The following SAMD4A variants were observed in gnomAD, a reference collection of about 807,000 sequenced individuals.
The protein encoded by SAMD4A is protein Smaug homolog 1.
A neutral mutation model predicts 81.3 loss-of-function variants in SAMD4A; 33 were observed. That is an observed-to-expected ratio of 0.41 (90% CI 0.31 to 0.54). The LOEUF (loss-of-function observed/expected upper bound fraction) is 0.54. SAMD4A is among the 20% of genes least tolerant of loss of function. SAMD4A has a pLI of 0.37. For synonymous variants in SAMD4A, 389 were observed against 382.1 expected, an observed-to-expected ratio of 1.02 and a Z score of -0.21; for missense variants, 854 against 951.1, an observed-to-expected ratio of 0.90 and a Z score of 1.34.
At chr14:54,687,078 G>T (rs1283261323) in intron 2 of SAMD4A, among the ~76,000 whole-genome samples, 2 of 152,158 alleles carry the variant, frequency 1.3e-5, no homozygotes, top group Non-Finnish European at 2.9e-5. Context: ...ACTCCAAGGG[G>T]CTTGATCTCT....
intron 2 of SAMD4A, among the ~76,000 whole-genome samples, chr14:54,637,912 T>C (rs61975159): frequency 3.3e-5 from 5 of 152,158 alleles, no homozygotes; most frequent in African/African-American, 1.2e-4. Context: ...CATACACCAA[T>C]AAACAACGTG....
chr14:54,737,904 G>GC, intron 4 of SAMD4A, among the ~76,000 whole-genome samples: 1 of 152,014 alleles, frequency 6.6e-6, no homozygotes, highest in South Asian at 2.1e-4. Flanking sequence ...GGTGATAAAG[G>GC]CCTTTTGTGT....
intron 8 of SAMD4A, among the ~76,000 whole-genome samples, chr14:54,764,945 C>T (rs2038496752): frequency 6.6e-6 from 1 of 152,144 alleles, no homozygotes; most frequent in Admixed American, 6.5e-5. Flanking sequence ...GAAAGAGAGC[C>T]CATAAAGAAA....
chr14:54,756,188 A>C (rs1264537766), intron 6 of SAMD4A, among the ~76,000 whole-genome samples: 4 of 152,130 alleles, frequency 2.6e-5, no homozygotes, highest in African/African-American at 9.7e-5. Context: ...TTTCACCCCT[A>C]TCGGTGGATT....
chr14:54,663,439 A>C (rs59253635), intron 2 of SAMD4A, among the ~76,000 whole-genome samples: 2,675 of 152,332 alleles, frequency 0.018, 70 homozygotes, highest in African/African-American at 0.062. Context: ...TTTTAGTCAA[A>C]AGATCTTAAG....
intron 2 of SAMD4A, among the ~76,000 whole-genome samples, chr14:54,613,459 A>G (rs1362564940): frequency 6.6e-6 from 1 of 152,204 alleles, no homozygotes. Context: ...TAATAAAAAT[A>G]TCTTTACAAT....
At chr14:54,611,476 C>G (rs894481872) in intron 2 of SAMD4A, among the ~76,000 whole-genome samples, 2 of 152,190 alleles carry the variant, frequency 1.3e-5, no homozygotes, top group African/African-American at 4.8e-5. Context: ...GAAACTCTTC[C>G]TTATGCTAGC....
intron 4 of SAMD4A, 145 bp downstream of exon 4, chr14:54,737,432 T>G: frequency 1.0e-6 from 1 of 967,442 alleles, no homozygotes; most frequent in South Asian, 1.8e-5. Flanking sequence ...CTTCCAGAAC[T>G]CCAGGTTGAC....
intron 2 of SAMD4A, among the ~76,000 whole-genome samples, chr14:54,622,569 C>CT (rs140434067): frequency 0.018 from 2,709 of 152,262 alleles, 88 homozygotes; most frequent in African/African-American, 0.062. Context: ...GTAGAAAGAG[C>CT]TTTGTTGATT....
At chr14:54,621,590 G>A (rs1458592536) in intron 2 of SAMD4A, among the ~76,000 whole-genome samples, 1 of 150,474 alleles carries the variant, frequency 6.6e-6, no homozygotes, top group African/African-American at 2.5e-5. Context: ...TCGAACTTCT[G>A]GGCTCAAGCT....
At chr14:54,662,667 C>T (rs139048119) in intron 2 of SAMD4A, among the ~76,000 whole-genome samples, 247 of 152,012 alleles carry the variant, frequency 1.6e-3, no homozygotes, top group Middle Eastern at 3.4e-3. Flanking sequence ...TACTTGCCTC[C>T]GCCTCCCAAA....
chr14:54,687,503 C>T, intron 2 of SAMD4A: 2 of 381,888 alleles, frequency 5.2e-6, no homozygotes, highest in Non-Finnish European at 5.2e-6. Context: ...AATTCATTCC[C>T]ACTGCAAACA....
intron 2 of SAMD4A, among the ~76,000 whole-genome samples, chr14:54,586,488 A>G (rs746824440): frequency 6.6e-6 from 1 of 152,188 alleles, no homozygotes; most frequent in Non-Finnish European, 1.5e-5. Flanking sequence ...GTTCTTGATC[A>G]TGACGTCTTT....
chr14:54,727,431 C>T (rs1042423040), intron 3 of SAMD4A, among the ~76,000 whole-genome samples: 1 of 151,946 alleles, frequency 6.6e-6, no homozygotes, highest in Non-Finnish European at 1.5e-5. Context: ...TCAGGTGATC[C>T]ACCCGCCTCG....
intron 3 of SAMD4A, among the ~76,000 whole-genome samples, chr14:54,735,614 G>A (rs186325110): frequency 3.3e-5 from 5 of 152,278 alleles, no homozygotes; most frequent in African/African-American, 7.2e-5. Context: ...CCTGAGCTCC[G>A]TGGCTCTCAG....
At chr14:54,695,802 A>C (rs2036559969) in intron 2 of SAMD4A, among the ~76,000 whole-genome samples, 1 of 151,858 alleles carries the variant, frequency 6.6e-6, no homozygotes. Context: ...AAAATACAAA[A>C]ATTAGCCAGG....
At position 54,746,351 on chromosome 14, in the gene SAMD4A, A is replaced by G. The variant is rs114095330; in HGVS notation, c.980-2464A>G. ...ACCTGCCTCAAGAAACACAGGGCCAAAAGGAGCTTACATTGCCCAGGAATG... is the reference window on the plus strand; with the variant it reads ...ACCTGCCTCAAGAAACACAGGGCCAGAAGGAGCTTACATTGCCCAGGAATG... On this transcript the variant is annotated intron_variant, in intron 4 of 12. Coordinates refer to ENST00000554335, the MANE Select transcript of SAMD4A (RefSeq NM_015589.6). Among the ~76,000 whole-genome samples the G allele has an allele frequency of 5.1e-3, 784 of 152,310 alleles. 8 individuals are homozygous for G. Among genetic ancestry groups the G allele is most frequent in the African/African-American group, 0.015 (636 of 41,572 alleles).
rs192974954 is a variant in SAMD4A at position 54,789,438 on chromosome 14, T to A, written c.*494T>A. ...CCTTTTATATCCAATCTAATCCTGA[T>A]TGGATGTCCCTGAGGCCCCTGCTGG... On this transcript the variant is annotated 3_prime_UTR_variant, in exon 13 of 13. Transcript: ENST00000554335. 419 of 157,654 alleles carry A rather than the reference T, an allele frequency of 2.7e-3. 2 individuals are homozygous for A. The highest frequency in any genetic ancestry group is 9.6e-3 in the African/African-American group (400 of 41,606). 9.8% of individuals were successfully genotyped at this position (157,654 alleles called of 1,614,324 possible).
intron 2 of SAMD4A, among the ~76,000 whole-genome samples, chr14:54,672,389 A>T (rs1003088065): frequency 6.6e-6 from 1 of 152,140 alleles, no homozygotes; most frequent in Non-Finnish European, 1.5e-5. Flanking sequence ...ATTTTCAGTC[A>T]TCTGCAGACG....
Sources: gnomAD v4.1 joint callset for allele counts (sites outside exome capture counted in the v4.1 genomes callset) on GRCh38, gnomAD v4.1.1 for gene constraint, MANE v1.5 for transcripts, NCBI Gene and HGNC (gene_info 2026-07-23, HGNC 2026-07-21) for gene names.